The following CD74 variants were observed in gnomAD, a reference collection of about 807,000 sequenced individuals.
CD74 encodes the protein HLA class II histocompatibility antigen gamma chain.
A neutral mutation model predicts 37.1 loss-of-function variants in CD74; 20 were observed. The observed-to-expected ratio is 0.54, with a 90% CI of 0.38 to 0.78. The LOEUF (loss-of-function observed/expected upper bound fraction) is 0.78, where lower values mean the gene tolerates loss of function less well. Among genes scored for constraint, CD74 ranks in the 30% least tolerant of loss-of-function variants. CD74 has a pLI of 0.00. For synonymous variants in CD74, 150 were observed against 152.0 expected, an observed-to-expected ratio of 0.99 and a Z score of 0.10; for missense variants, 338 against 389.5, an observed-to-expected ratio of 0.87 and a Z score of 1.11.
Position 150,402,784 on chromosome 5 carries a change from G to A in CD74, c.818-159C>T, listed in dbSNP as rs570017107. On this transcript the variant is annotated intron_variant, in intron 7 of 8. Coordinates refer to ENST00000009530, the MANE Select transcript of CD74 (RefSeq NM_001025159.3). The surrounding 1 kb of genome is among the most constrained non-coding windows in gnomAD (Gnocchi z 4.2). ...AAGCAGCAACAAAGAGGTGTAATGG[G>A]GGCTCGAGTGAGAAGGGGGTGATGA... 6.6e-6 allele frequency among the ~76,000 whole-genome samples: 1 copy of A among 152,178 alleles called. No homozygotes were observed. The highest frequency in any genetic ancestry group is 2.4e-5 in the African/African-American group (1 of 41,440).
In CD74 at chr5:150,407,198, G is replaced by A; in HGVS notation, c.252C>T (p.Thr84=). The part of the protein sequence containing the change: ...QQGRLDKLTV[T]SQNLQLENLR... Reference sequence around the variant, plus strand: ...GGTTCTCCAGCTGCAGGTTCTGGGAGGTGACTGTCAGTTTGTCCAGCCGGC... The same window carrying A: ...GGTTCTCCAGCTGCAGGTTCTGGGAAGTGACTGTCAGTTTGTCCAGCCGGC... The change falls in exon 2 of 9, where the codon ACC becomes ACT. Residue 84 remains threonine (T), a synonymous_variant. Transcript: ENST00000009530. The surrounding 1 kb of genome is among the most constrained non-coding windows in gnomAD (Gnocchi z 4.4). 1 of 1,614,064 alleles carries A rather than the reference G, an allele frequency of 6.2e-7. No homozygotes were observed. The highest frequency in any genetic ancestry group is 8.5e-7 in the Non-Finnish European group (1 of 1,179,962).
chr5:150,406,373 G>A (rs1180768708), intron 3 of CD74, 52 bp from the exon 4 acceptor site: 2 of 1,439,424 alleles, frequency 1.4e-6, no homozygotes, highest in South Asian at 1.1e-5. Context: ...GGAGCAGGGG[G>A]TATGGAGCAG....
chr5:150,403,033 G>T lies in CD74; in HGVS notation c.817+88C>A, dbSNP rs1404518148. 2 of 1,167,974 alleles carry T rather than the reference G, an allele frequency of 1.7e-6. No individual in the cohort carries two copies. The highest frequency in any genetic ancestry group is 5.1e-5 in the East Asian group (2 of 38,896). The allele number at this position is 1,167,974 out of a possible 1,614,324, so 72.4% of individuals were successfully genotyped here. On this transcript the variant is annotated intron_variant, in intron 7 of 8. Transcript: ENST00000009530. This position sits in a 1 kb window ranked among gnomAD's most constrained non-coding sequence, Gnocchi z 4.5. ...AGGAGCTGCCATCCTGGGTGTCCTG[G>T]TCCCATGTGCTTCAGAGGGGACCTC...
chr5:150,407,662 TG>T lies in CD74; in HGVS notation c.126-339del, dbSNP rs543603063. On this transcript the variant is annotated intron_variant, in intron 1 of 8. Transcript: ENST00000009530. The surrounding 1 kb of genome is among the most constrained non-coding windows in gnomAD (Gnocchi z 4.4). ...CTGCCTGTGCGATGAGGGGTTGAGGTGGGGGGGTCTTCCCAGGCTCCCTTTG... is the reference window on the plus strand; with the variant it reads ...CTGCCTGTGCGATGAGGGGTTGAGGTGGGGGGTCTTCCCAGGCTCCCTTTG... Among the ~76,000 whole-genome samples the T allele has an allele frequency of 1.3e-5, 2 of 152,008 alleles. No homozygotes were observed. Among genetic ancestry groups the T allele is most frequent in the African/African-American group, 2.4e-5 (1 of 41,378 alleles).
At chr5:150,411,312 G>A (rs769735078) in intron 1 of CD74, among the ~76,000 whole-genome samples, 12 of 152,178 alleles carry the variant, frequency 7.9e-5, no homozygotes, top group East Asian at 1.9e-4. Context: ...AAGGTCACGC[G>A]TGGCCTAGAC....
In CD74 at chr5:150,401,722, T is replaced by C; in HGVS notation, c.*518A>G. The C allele has an allele frequency of 1.8e-6, 1 of 570,700 alleles. No homozygotes were observed. Among genetic ancestry groups the C allele is most frequent in the Non-Finnish European group, 3.1e-6 (1 of 320,328 alleles). 35.4% of individuals were successfully genotyped at this position (570,700 alleles called of 1,614,324 possible). On this transcript the variant is annotated 3_prime_UTR_variant, in exon 9 of 9. Transcript: ENST00000009530. ...TTGGCTGAGCAGAGGGAACTAGGGG[T>C]CGGCAGAAAGGATTATGGGTGGAAA...
Position 150,401,951 on chromosome 5 carries a change from T to A in CD74, c.*289A>T. On this transcript the variant is annotated 3_prime_UTR_variant, in exon 9 of 9. Coordinates refer to ENST00000009530, the MANE Select transcript of CD74 (RefSeq NM_001025159.3). ...TGAGCCTAGGTCTTGGAGCCTTGTG[T>A]TGGAGGCTGCTGTGATGTCAGGAAC... The A allele has an allele frequency of 9.4e-7, 1 of 1,067,270 alleles. No individual in the cohort carries two copies. Among genetic ancestry groups the A allele is most frequent in the Non-Finnish European group, 1.4e-6 (1 of 718,498 alleles). The allele number at this position is 1,067,270 out of a possible 1,614,324, so 66.1% of individuals were successfully genotyped here.
Position 150,412,766 on chromosome 5 carries a change from C to G in CD74, c.-17G>C, listed in dbSNP as rs755488280. 6.2e-7 allele frequency: 1 copy of G among 1,613,710 alleles called. No individual in the cohort carries two copies. Among genetic ancestry groups the G allele is most frequent in the Non-Finnish European group, 8.5e-7 (1 of 1,179,840 alleles). On this transcript the variant is annotated 5_prime_UTR_variant, in exon 1 of 9. Transcript: ENST00000009530. ...CCTGTGCATCTGGGACCCTGACCCC[C>G]CGGCTCGCCTCTTAAAGTCGGTGCT... is the stretch of plus-strand genomic sequence containing the variant.
At chr5:150,404,635 G>A (rs1453085534) in intron 6 of CD74, 45 bp downstream of exon 6, 20 of 1,287,482 alleles carry the variant, frequency 1.6e-5, no homozygotes, top group African/African-American at 4.4e-5. Flanking sequence ...GGAGAGCCCC[G>A]AGGGTCCAGA....
chr5:150,408,691 G>A (rs1171816390), intron 1 of CD74, among the ~76,000 whole-genome samples: 1 of 152,152 alleles, frequency 6.6e-6, no homozygotes, highest in Non-Finnish European at 1.5e-5. Flanking sequence ...TACAGGGGAT[G>A]TAAGGATCCT....
rs1769707882 is a variant in CD74 at position 150,402,680 on chromosome 5, AGAT to A, written c.818-58_818-56del. ...CTTGAAGTGCAGCCTACCTGACCCA[AGAT>A]GCCTGAGGGCAGTGCTTCCCACCTA... On this transcript the variant is annotated intron_variant, in intron 7 of 8. Transcript: ENST00000009530. The surrounding 1 kb of genome is among the most constrained non-coding windows in gnomAD (Gnocchi z 4.2). 2 of 1,473,422 alleles carry A rather than the reference AGAT, an allele frequency of 1.4e-6. No homozygotes were observed. Among genetic ancestry groups the A allele is most frequent in the Non-Finnish European group, 1.9e-6 (2 of 1,070,592 alleles). 91.3% of individuals were successfully genotyped at this position (1,473,422 alleles called of 1,614,324 possible).
intron 1 of CD74, among the ~76,000 whole-genome samples, chr5:150,411,663 G>A (rs1251112198): frequency 6.6e-6 from 1 of 152,202 alleles, no homozygotes; most frequent in Non-Finnish European, 1.5e-5. Context: ...GGCTGTGCTG[G>A]CCTCTGGCTG....
Position 150,402,846 on chromosome 5 carries a change from A to G in CD74, c.818-221T>C, listed in dbSNP as rs1206054163. Among the ~76,000 whole-genome samples the G allele has an allele frequency of 6.6e-6, 1 of 152,238 alleles. No homozygotes were observed. The highest frequency in any genetic ancestry group is 2.4e-5 in the African/African-American group (1 of 41,464). ...TGGGTCTGTAGGACTCCTGGATGCTAGAGGATGGCGCGTGGATGGATGAAA... is the reference window on the plus strand; with the variant it reads ...TGGGTCTGTAGGACTCCTGGATGCTGGAGGATGGCGCGTGGATGGATGAAA... On this transcript the variant is annotated intron_variant, in intron 7 of 8. Transcript: ENST00000009530. This position sits in a 1 kb window ranked among gnomAD's most constrained non-coding sequence, Gnocchi z 4.2.
In CD74 at chr5:150,403,737, T is replaced by A. The variant is rs148490442; in HGVS notation, c.626-425A>T. 6.1e-3 allele frequency among the ~76,000 whole-genome samples: 922 copies of A among 152,328 alleles called. 11 individuals are homozygous for A. The highest frequency in any genetic ancestry group is 0.021 in the African/African-American group (883 of 41,584). On this transcript the variant is annotated intron_variant, in intron 6 of 8. Transcript: ENST00000009530. This position sits in a 1 kb window ranked among gnomAD's most constrained non-coding sequence, Gnocchi z 4.5. ...AGCTGGGCGTGGTGGCACATGCCTA[T>A]AATCCCAGCTACTCGGGAGGCCGAG...
chr5:150,405,358 G>A (rs1769896962), intron 4 of CD74, 178 bp from the exon 5 acceptor site: 11 of 1,313,284 alleles, frequency 8.4e-6, no homozygotes, highest in Non-Finnish European at 1.1e-5. Flanking sequence ...GGTAAGGGTA[G>A]TCCAGCTGTT....
Position 150,404,694 on chromosome 5 carries a change from T to C in CD74, c.611A>G (p.Asp204Gly), listed in dbSNP as rs2151176985. The C allele has an allele frequency of 6.3e-7, 1 of 1,578,318 alleles. No homozygotes were observed. The highest frequency in any genetic ancestry group is 8.6e-7 in the Non-Finnish European group (1 of 1,160,996). ...ACTCCCTGTACCTTTCGGTGGAGCGTCAGTGGGCTTTTGCTCCAAGGAGTG... is the reference window on the plus strand; with the variant it reads ...ACTCCCTGTACCTTTCGGTGGAGCGCCAGTGGGCTTTTGCTCCAAGGAGTG... ...SRHSLEQKPT[D>G]APPKVLTKCQ... Residue 204 changes from aspartate to glycine, a missense_variant, in exon 6 of 9, where the codon GAC becomes GGC. Transcript: ENST00000009530.
intron 3 of CD74, chr5:150,406,660 G>T (rs554924736): frequency 1.7e-6 from 1 of 588,714 alleles, no homozygotes; most frequent in African/African-American, 1.9e-5. Context: ...TTTGTAAACT[G>T]TAGAGGGCTG....
intron 1 of CD74, among the ~76,000 whole-genome samples, chr5:150,408,323 G>A (rs1177695674): frequency 6.6e-6 from 1 of 152,062 alleles, no homozygotes; most frequent in Non-Finnish European, 1.5e-5. Context: ...GCTGAAGCAG[G>A]GCCAGGCACC....
Position 150,402,810 on chromosome 5 carries a change from A to C in CD74, c.818-185T>G, listed in dbSNP as rs1028682044. Among the ~76,000 whole-genome samples, 2 of 152,166 alleles carry C rather than the reference A, an allele frequency of 1.3e-5. No individual in the cohort carries two copies. The highest frequency in any genetic ancestry group is 2.9e-5 in the Non-Finnish European group (2 of 68,016). ...GGCTCGAGTGAGAAGGGGGTGATGA[A>C]ATGAGATGGGTGGGTCTGTAGGACT... On this transcript the variant is annotated intron_variant, in intron 7 of 8. Coordinates refer to ENST00000009530, the MANE Select transcript of CD74 (RefSeq NM_001025159.3). The surrounding 1 kb of genome is among the most constrained non-coding windows in gnomAD (Gnocchi z 4.2).
Sources: gnomAD v4.1 joint callset for allele counts (sites outside exome capture counted in the v4.1 genomes callset) on GRCh38, gnomAD v4.1.1 for gene constraint, Gnocchi (gnomAD v3.1) non-coding constraint, MANE v1.5 for transcripts, NCBI Gene and HGNC (gene_info 2026-07-23, HGNC 2026-07-21) for gene names.